Variants in CNTNAP5 observed in about 807,000 individuals in gnomAD.
CNTNAP5 encodes contactin-associated protein-like 5.
CNTNAP5 carries 72 observed loss-of-function variants against 150.2 expected under a neutral mutation model. That is an observed-to-expected ratio of 0.48 (90% confidence interval 0.40 to 0.58). The LOEUF is 0.58. Ranked by LOEUF, CNTNAP5 falls within the 20% of genes least tolerant of loss-of-function variation. The probability of loss-of-function intolerance (pLI) is 0.00; values close to 1 mark genes in which losing one functional copy is unlikely to be tolerated. For synonymous variants in CNTNAP5, 672 were observed against 619.8 expected (o/e 1.08, Z -1.25); for missense variants, 1,636 against 1,626.2 (o/e 1.01, Z -0.10).
At chr2:124,170,237 A>AATATAT (rs141418496) in intron 1 of CNTNAP5, among the ~76,000 whole-genome samples, 1 of 142,478 alleles carries the variant, frequency 7.0e-6, no homozygotes, top group Non-Finnish European at 1.5e-5. Context: ...TTATGTCTTA[A>AATATAT]ATATATATAT....
At chr2:124,648,842 A>G (rs1678260111) in intron 13 of CNTNAP5, among the ~76,000 whole-genome samples, 1 of 152,246 alleles carries the variant, frequency 6.6e-6, no homozygotes, top group South Asian at 2.1e-4. Context: ...AAAGGGTGTT[A>G]TAATCTCTAG....
intron 3 of CNTNAP5, among the ~76,000 whole-genome samples, chr2:124,289,077 T>A (rs907148652): frequency 2.0e-5 from 3 of 151,988 alleles, no homozygotes; most frequent in African/African-American, 7.2e-5. Context: ...ATCAGAGGGG[T>A]TAGGTGGCCA....
At chr2:124,128,986 A>T (rs1206402102) in intron 1 of CNTNAP5, among the ~76,000 whole-genome samples, 5 of 152,122 alleles carry the variant, frequency 3.3e-5, no homozygotes, top group Admixed American at 6.6e-5. Flanking sequence ...GGTACAGCAC[A>T]CCAATATGGC....
At chr2:124,859,812 A>G (rs1382345132) in intron 19 of CNTNAP5, among the ~76,000 whole-genome samples, 1 of 152,126 alleles carries the variant, frequency 6.6e-6, no homozygotes, top group Non-Finnish European at 1.5e-5. Flanking sequence ...CGCAAGGACA[A>G]AAAACCAAAC....
chr2:124,502,189 A>G (rs1694292834), intron 7 of CNTNAP5, among the ~76,000 whole-genome samples: 1 of 152,208 alleles, frequency 6.6e-6, no homozygotes, highest in African/African-American at 2.4e-5. Context: ...TGGAGAACCA[A>G]TCCAGGAACT....
chr2:124,038,306 C>T (rs1681278763), intron 1 of CNTNAP5, among the ~76,000 whole-genome samples: 1 of 152,152 alleles, frequency 6.6e-6, no homozygotes, highest in Non-Finnish European at 1.5e-5. Flanking sequence ...AGTTTGAGAA[C>T]TTAGGCCTGC....
At chr2:124,743,659 T>C (rs1356238794) in intron 13 of CNTNAP5, among the ~76,000 whole-genome samples, 7 of 152,240 alleles carry the variant, frequency 4.6e-5, no homozygotes, top group Non-Finnish European at 1.0e-4. Context: ...TTTATATTTA[T>C]GATTCTGTGG....
chr2:124,804,015 C>T (rs1009764040), intron 19 of CNTNAP5, among the ~76,000 whole-genome samples: 4 of 152,226 alleles, frequency 2.6e-5, no homozygotes, highest in African/African-American at 9.7e-5. Flanking sequence ...TAAGCCCTGA[C>T]CACTTCAGTC....
At chr2:124,860,286 C>T (rs1337668130) in intron 19 of CNTNAP5, among the ~76,000 whole-genome samples, 1 of 151,800 alleles carries the variant, frequency 6.6e-6, no homozygotes, top group African/African-American at 2.4e-5. Context: ...GGAGGCGGAG[C>T]TTGCAGTGAG....
chr2:124,768,316 T>C (rs1274550998), intron 16 of CNTNAP5, among the ~76,000 whole-genome samples: 1 of 150,172 alleles, frequency 6.7e-6, no homozygotes, highest in East Asian at 1.9e-4. Flanking sequence ...TGTGTATATG[T>C]ATGTTTATGT....
intron 13 of CNTNAP5, among the ~76,000 whole-genome samples, chr2:124,745,932 G>A (rs1266277919): frequency 6.6e-6 from 1 of 152,170 alleles, no homozygotes; most frequent in East Asian, 1.9e-4. Flanking sequence ...TAGCCTGGAG[G>A]CAAGTAAGAG....
chr2:124,102,567 G>T (rs1473724657), intron 1 of CNTNAP5, among the ~76,000 whole-genome samples: 1 of 152,166 alleles, frequency 6.6e-6, no homozygotes, highest in Non-Finnish European at 1.5e-5. Flanking sequence ...CACAGAGGCG[G>T]ACCTGGAAGC....
chr2:124,094,936 G>A (rs1448076991), intron 1 of CNTNAP5, among the ~76,000 whole-genome samples: 3 of 152,142 alleles, frequency 2.0e-5, no homozygotes, highest in East Asian at 3.9e-4. Flanking sequence ...CCACCATGGT[G>A]GGCACTGCTG....
At chr2:124,103,120 A>G (rs1379124776) in intron 1 of CNTNAP5, among the ~76,000 whole-genome samples, 1 of 152,166 alleles carries the variant, frequency 6.6e-6, no homozygotes, top group Admixed American at 6.5e-5. Context: ...GTTTGTAACA[A>G]GAATGTTTCA....
At chr2:124,639,480 AC>A (rs1179006360) in intron 12 of CNTNAP5, among the ~76,000 whole-genome samples, 8 of 152,080 alleles carry the variant, frequency 5.3e-5, no homozygotes. Flanking sequence ...TTCTTTTCTG[AC>A]CCGGTACAAG....
intron 1 of CNTNAP5, among the ~76,000 whole-genome samples, chr2:124,158,938 G>T (rs746891351): frequency 2.0e-5 from 3 of 152,118 alleles, no homozygotes; most frequent in African/African-American, 7.2e-5. Context: ...AGATGCCCTC[G>T]ACACCCACAG....
chr2:124,505,864 A>G (rs1694394348), intron 8 of CNTNAP5, among the ~76,000 whole-genome samples: 1 of 152,328 alleles, frequency 6.6e-6, no homozygotes, highest in East Asian at 1.9e-4. Flanking sequence ...AGTCTCCCTG[A>G]ATAAACAATC....
chr2:124,120,246 C>T (rs1056971815), intron 1 of CNTNAP5, among the ~76,000 whole-genome samples: 2 of 152,128 alleles, frequency 1.3e-5, no homozygotes, highest in Non-Finnish European at 2.9e-5. Flanking sequence ...CCGAGGTCCT[C>T]CCATCACCTC....
In CNTNAP5 at chr2:124,552,590, A is replaced by G. The variant is rs73952806; in HGVS notation, c.1650-10627A>G. Among the ~76,000 whole-genome samples, 1,136 of 152,338 alleles carry G rather than the reference A, an allele frequency of 7.5e-3. 15 individuals carry two copies. The highest frequency in any genetic ancestry group is 0.026 in the African/African-American group (1,083 of 41,564). On this transcript the variant is annotated intron_variant, in intron 10 of 23. Transcript: ENST00000682447. ...GAATGTCCCTTTACCATTGTCTGATAGCAAGCATATACACACATGCACACA... is the reference window on the plus strand; with the variant it reads ...GAATGTCCCTTTACCATTGTCTGATGGCAAGCATATACACACATGCACACA...
Sources: allele counts gnomAD v4.1 joint callset (sites outside exome capture counted in the v4.1 genomes callset), GRCh38; gene constraint gnomAD v4.1.1; transcripts MANE v1.5; gene names NCBI Gene and HGNC (gene_info 2026-07-23, HGNC 2026-07-21).